Variants in FAM133B observed in about 807,000 individuals in gnomAD.
The protein encoded by FAM133B is family with sequence similarity 133 member B, also known as protein FAM133B.
A neutral mutation model predicts 46.4 loss-of-function variants in FAM133B; 25 were observed. The ratio of observed to expected loss-of-function variants is 0.54; its 90% CI spans 0.39 to 0.75. The LOEUF (loss-of-function observed/expected upper bound fraction) is 0.75. Ranked by LOEUF, FAM133B falls within the 30% of genes least tolerant of loss-of-function variation. FAM133B has a pLI of 0.00. For missense variants in FAM133B, 205 were observed against 277.6 expected, an observed-to-expected ratio of 0.74 and a Z score of 1.86; for synonymous variants, 75 against 86.0, an observed-to-expected ratio of 0.87 and a Z score of 0.71.
At chr7:92,567,708 C>T (rs138121516) in intron 9 of FAM133B, among the ~76,000 whole-genome samples, 12 of 152,288 alleles carry the variant, frequency 7.9e-5, no homozygotes, top group Non-Finnish European at 1.0e-4. Context: ...ACATCCTCCA[C>T]GACTTTTGAA....
chr7:92,571,038 A>C (rs1794512705), intron 8 of FAM133B, among the ~76,000 whole-genome samples: 1 of 152,196 alleles, frequency 6.6e-6, no homozygotes, highest in African/African-American at 2.4e-5. Context: ...AAATGCCAGA[A>C]TTTACTTAAC....
chr7:92,566,019 CT>C lies in FAM133B; in HGVS notation c.651del (p.Ala218GlnfsTer52). 1 of 1,613,790 alleles carries C rather than the reference CT, an allele frequency of 6.2e-7. No homozygotes were observed. On this transcript the variant is annotated frameshift_variant, in exon 10 of 11. Transcript: ENST00000445716. LOFTEE classifies it high-confidence loss of function. ...KKKKSSEERE[K>X]ATEKTKKKKK... is the part of the protein sequence containing the mutation. Reference sequence around the variant, plus strand: ...AAACGTTAAGAGATACTTGCTGTTGCTTTTTCTCGTTCTTCACTGCTTTTCT... The same window carrying C: ...AAACGTTAAGAGATACTTGCTGTTGCTTTTCTCGTTCTTCACTGCTTTTCT...
At chr7:92,574,432 A>G (rs568148681) in intron 8 of FAM133B, among the ~76,000 whole-genome samples, 1 of 152,298 alleles carries the variant, frequency 6.6e-6, no homozygotes, top group African/African-American at 2.4e-5. Context: ...GTGATTATTT[A>G]ATGGATATGG....
intron 1 of FAM133B, among the ~76,000 whole-genome samples, chr7:92,584,654 T>G (rs919034275): frequency 6.6e-6 from 1 of 152,250 alleles, no homozygotes; most frequent in African/African-American, 2.4e-5. Context: ...TTATATTTTT[T>G]GTATAAACTG....
intron 1 of FAM133B, 124 bp downstream of exon 1, chr7:92,590,144 G>T: frequency 6.9e-7 from 1 of 1,453,922 alleles, no homozygotes; most frequent in Non-Finnish European, 9.5e-7. Flanking sequence ...AGGGTGCTGG[G>T]TCTCCAGGCC....
intron 3 of FAM133B, among the ~76,000 whole-genome samples, 155 bp from the exon 4 acceptor site, chr7:92,578,548 C>A (rs767971548): frequency 2.0e-5 from 3 of 152,122 alleles, no homozygotes; most frequent in Non-Finnish European, 4.4e-5. Context: ...GGTGCCAATC[C>A]TTGACCCTAT....
At chr7:92,581,794 TTGTGTG>T (rs10578440) in intron 1 of FAM133B, 191 bp from the exon 2 acceptor site, 15,694 of 313,808 alleles carry the variant, frequency 0.05, 136 homozygotes, top group East Asian at 0.079. Context: ...TGGGAGAAAA[TTGTGTG>T]TGTGTGTGTG....
chr7:92,573,162 AC>A (rs1287199122), intron 8 of FAM133B, among the ~76,000 whole-genome samples: 1 of 140,966 alleles, frequency 7.1e-6, no homozygotes, highest in Non-Finnish European at 1.6e-5. Context: ...TAGTTTGGGG[AC>A]TTTTTTTTTT....
At chr7:92,584,980 TAAACAAAACAAAACA>T (rs148386601) in intron 1 of FAM133B, among the ~76,000 whole-genome samples, 2 of 151,460 alleles carry the variant, frequency 1.3e-5, no homozygotes, top group Non-Finnish European at 2.9e-5. Flanking sequence ...TTGTCTCTAC[TAAACAAAACAAAACA>T]AAACAAAACA....
chr7:92,584,047 CAAAAAAA>C (rs765172200), intron 1 of FAM133B, among the ~76,000 whole-genome samples: 1 of 36,794 alleles, frequency 2.7e-5, no homozygotes, highest in East Asian at 1.2e-3. Flanking sequence ...AAGACTGTCT[CAAAAAAA>C]AAAAAAAAAA....
chr7:92,580,765 T>C (rs1160601104), intron 2 of FAM133B, among the ~76,000 whole-genome samples: 3 of 152,234 alleles, frequency 2.0e-5, no homozygotes, highest in Non-Finnish European at 4.4e-5. Flanking sequence ...TATATTTACT[T>C]GGACATTTCT....
intron 1 of FAM133B, 105 bp from the exon 2 acceptor site, chr7:92,581,708 T>C: frequency 1.2e-6 from 1 of 820,770 alleles, no homozygotes; most frequent in Non-Finnish European, 2.0e-6. Context: ...TATATCCAGC[T>C]AAGTATATGC....
Position 92,584,202 on chromosome 7 carries a change from G to A in FAM133B, c.25-2599C>T, listed in dbSNP as rs1271095504. 3.9e-5 allele frequency among the ~76,000 whole-genome samples: 6 copies of A among 152,020 alleles called. No individual in the cohort carries two copies. In the South Asian group the frequency reaches 6.2e-4, roughly 16 times the overall value. On this transcript the variant is annotated intron_variant, in intron 1 of 10. Transcript: ENST00000445716. ...GCTAGGACAACAGGTGTGAGCCACC[G>A]TGCCCAGTCAATAGACATTTATGAA...
chr7:92,570,263 C>A (rs1476950524), intron 8 of FAM133B, among the ~76,000 whole-genome samples: 2 of 151,982 alleles, frequency 1.3e-5, no homozygotes, highest in East Asian at 3.9e-4. Flanking sequence ...ATTAGACAGG[C>A]CTAGTACTGC....
intron 8 of FAM133B, among the ~76,000 whole-genome samples, chr7:92,571,657 G>A (rs1433468317): frequency 6.6e-6 from 1 of 152,058 alleles, no homozygotes; most frequent in Non-Finnish European, 1.5e-5. Context: ...CAAATGATTA[G>A]TCATTTTGTT....
chr7:92,562,690 A>G (rs1794196813), intron 10 of FAM133B, among the ~76,000 whole-genome samples: 2 of 152,178 alleles, frequency 1.3e-5, no homozygotes, highest in Non-Finnish European at 2.9e-5. Context: ...TTCTAAAGGT[A>G]AAGTAATTGC....
chr7:92,588,620 T>G (rs530588852), intron 1 of FAM133B, among the ~76,000 whole-genome samples: 2 of 152,164 alleles, frequency 1.3e-5, no homozygotes, highest in Non-Finnish European at 2.9e-5. Flanking sequence ...GATGGTGAAA[T>G]GGTTTGGATC....
intron 10 of FAM133B, among the ~76,000 whole-genome samples, chr7:92,564,664 G>C (rs1794276197): frequency 6.6e-6 from 1 of 152,204 alleles, no homozygotes; most frequent in East Asian, 1.9e-4. Flanking sequence ...TCTGGGAAGG[G>C]GTTACTGAAA....
intron 7 of FAM133B, among the ~76,000 whole-genome samples, chr7:92,576,644 A>G (rs1382844988): frequency 6.6e-6 from 1 of 152,186 alleles, no homozygotes; most frequent in Non-Finnish European, 1.5e-5. Context: ...AGGAATCAAC[A>G]CTTTTTTCCG....
Sources: allele counts gnomAD v4.1 joint callset (sites outside exome capture counted in the v4.1 genomes callset), GRCh38; gene constraint gnomAD v4.1.1; transcripts MANE v1.5; gene names NCBI Gene and HGNC (gene_info 2026-07-23, HGNC 2026-07-21).